MOV10L1: variants seen among roughly 807,000 people sequenced by gnomAD.
MOV10L1 encodes RNA helicase Mov10l1.
A neutral mutation model predicts 143.8 loss-of-function variants in MOV10L1; 110 were observed. The observed-to-expected ratio is 0.76, with a 90% confidence interval of 0.66 to 0.90. The LOEUF (loss-of-function observed/expected upper bound fraction) is 0.90. MOV10L1 is among the 40% of genes least tolerant of loss of function. MOV10L1 has a pLI of 0.00. For missense variants in MOV10L1, 1,406 were observed against 1,526.8 expected (o/e 0.92, Z 1.32); for synonymous variants, 593 against 581.1 (o/e 1.02, Z -0.29).
chr22:50,095,850 A>G (rs190027625), intron 2 of MOV10L1: 38 of 152,132 alleles, frequency 2.5e-4, no homozygotes, highest in Admixed American at 1.4e-3. Flanking sequence ...TCTTGCTTTT[A>G]TAAATTAGTA....
intron 15 of MOV10L1, among the ~76,000 whole-genome samples, chr22:50,141,052 CT>C (rs200180207): frequency 0.014 from 2,055 of 145,330 alleles, 28 homozygotes; most frequent in East Asian, 0.046. Context: ...GTGTAGGATC[CT>C]TTTTTTTTTT....
At chr22:50,091,787 T>G (rs1174682039) in intron 1 of MOV10L1, among the ~76,000 whole-genome samples, 5 of 152,136 alleles carry the variant, frequency 3.3e-5, no homozygotes, top group Non-Finnish European at 5.9e-5. Flanking sequence ...CCTGTGCCCT[T>G]CTGAGGAAAC....
At chr22:50,145,850 G>A (rs115111481) in intron 19 of MOV10L1, 40 bp downstream of exon 19, 1 of 1,610,188 alleles carries the variant, frequency 6.2e-7, no homozygotes, top group Admixed American at 1.7e-5. Flanking sequence ...GGCCTCCCAG[G>A]GCAGAGGTCG....
chr22:50,116,305 G>C (rs2062173829), intron 8 of MOV10L1, among the ~76,000 whole-genome samples: 1 of 151,966 alleles, frequency 6.6e-6, no homozygotes, highest in Non-Finnish European at 1.5e-5. Flanking sequence ...AAATTAGCTG[G>C]GCGTGGTGGC....
At chr22:50,157,201 G>T (rs1208893566) in intron 22 of MOV10L1, among the ~76,000 whole-genome samples, 1 of 152,046 alleles carries the variant, frequency 6.6e-6, no homozygotes. Context: ...GTCGCTTTTT[G>T]TCAGTGAATT....
At chr22:50,161,155 G>A in intron 26 of MOV10L1, 100 bp downstream of exon 26, 1 of 1,277,128 alleles carries the variant, frequency 7.8e-7, no homozygotes, top group Non-Finnish European at 1.1e-6. Flanking sequence ...TTACCCACCT[G>A]CAGCCTTAGC....
chr22:50,151,473 C>T (rs2063295288), intron 21 of MOV10L1, among the ~76,000 whole-genome samples: 1 of 152,234 alleles, frequency 6.6e-6, no homozygotes, highest in Non-Finnish European at 1.5e-5. Context: ...CATGGGCAGA[C>T]TTTCAGGGAA....
At chr22:50,120,680 G>T (rs1227438441) in intron 10 of MOV10L1, 64 bp downstream of exon 10, 1 of 1,196,876 alleles carries the variant, frequency 8.4e-7, no homozygotes, top group African/African-American at 1.5e-5. Context: ...TTCTGACAAA[G>T]CCAGGAGGTT....
chr22:50,131,854 C>G (rs9617036), intron 13 of MOV10L1, among the ~76,000 whole-genome samples: 34,184 of 152,068 alleles, frequency 0.22, 4,209 homozygotes, highest in Admixed American at 0.35. Context: ...TCTTAGTACA[C>G]TCAGGCTGCA....
At chr22:50,130,583 G>T (rs1416198766) in intron 13 of MOV10L1, among the ~76,000 whole-genome samples, 1 of 145,954 alleles carries the variant, frequency 6.9e-6, no homozygotes, top group Non-Finnish European at 1.5e-5. Context: ...CAGGAGGGGG[G>T]TACTTTTTGT....
At position 50,159,426 on chromosome 22, in the gene MOV10L1, CCTCT is replaced by C. The variant is rs1041654171; in HGVS notation, c.3217-247_3217-244del. 1.3e-5 allele frequency among the ~76,000 whole-genome samples: 2 copies of C among 151,728 alleles called. No homozygotes were observed. The highest frequency in any genetic ancestry group is 1.3e-4 in the Admixed American group (2 of 15,246). ...ACCAGCCTGGCCAATATGGTGAAAC[CCTCT>C]CTCTACTAAAAAATACAAAAAATTA... On this transcript the variant is annotated intron_variant, in intron 23 of 26. Coordinates refer to ENST00000262794, the MANE Select transcript of MOV10L1 (RefSeq NM_018995.3). The surrounding 1 kb of genome is among the most constrained non-coding windows in gnomAD (Gnocchi z 4.1).
intron 15 of MOV10L1, among the ~76,000 whole-genome samples, chr22:50,136,426 C>G (rs1284409860): frequency 6.6e-6 from 1 of 152,236 alleles, no homozygotes; most frequent in African/African-American, 2.4e-5. Flanking sequence ...GATAGAATTT[C>G]AGGGACCAGA....
intron 1 of MOV10L1, among the ~76,000 whole-genome samples, chr22:50,091,634 G>A (rs1293937930): frequency 1.3e-5 from 2 of 152,126 alleles, no homozygotes; most frequent in African/African-American, 4.8e-5. Flanking sequence ...GGGTAGTGAC[G>A]ATTAGTCTCC....
At chr22:50,157,510 G>A (rs2063456442) in intron 22 of MOV10L1, among the ~76,000 whole-genome samples, 1 of 152,070 alleles carries the variant, frequency 6.6e-6, no homozygotes, top group Non-Finnish European at 1.5e-5. Flanking sequence ...CTGTTTCCAG[G>A]TGGTGTCAGG....
intron 16 of MOV10L1, among the ~76,000 whole-genome samples, chr22:50,142,622 A>G (rs2063021660): frequency 6.6e-6 from 1 of 151,836 alleles, no homozygotes; most frequent in South Asian, 2.1e-4. Flanking sequence ...TGAGCTCAGG[A>G]GTTCGAGACC....
At chr22:50,102,846 A>G (rs2061780111) in intron 3 of MOV10L1, among the ~76,000 whole-genome samples, 1 of 152,164 alleles carries the variant, frequency 6.6e-6, no homozygotes, top group African/African-American at 2.4e-5. Context: ...GGTTGCGGTG[A>G]GCCAAGATCA....
At chr22:50,138,383 G>A (rs974141570) in intron 15 of MOV10L1, among the ~76,000 whole-genome samples, 2 of 152,028 alleles carry the variant, frequency 1.3e-5, no homozygotes, top group Non-Finnish European at 2.9e-5. Context: ...GCAAGACCCT[G>A]TCTCTATTTT....
intron 2 of MOV10L1, among the ~76,000 whole-genome samples, chr22:50,098,359 G>A (rs1330038508): frequency 6.7e-6 from 1 of 149,694 alleles, no homozygotes; most frequent in African/African-American, 2.5e-5. Context: ...ATTCATGAAC[G>A]CGGTTGTCTT....
intron 13 of MOV10L1, among the ~76,000 whole-genome samples, chr22:50,130,433 G>T (rs1322527482): frequency 1.3e-5 from 2 of 152,170 alleles, no homozygotes. Context: ...AGATTGGAAT[G>T]TATTGAGAAT....
Sources: allele counts gnomAD v4.1 joint callset (sites outside exome capture counted in the v4.1 genomes callset), GRCh38; gene constraint gnomAD v4.1.1; non-coding constraint Gnocchi (gnomAD v3.1); transcripts MANE v1.5; gene names NCBI Gene and HGNC (gene_info 2026-07-23, HGNC 2026-07-21).